KRTCAP3: variants seen among roughly 807,000 people sequenced by gnomAD.
KRTCAP3 encodes keratinocyte associated protein 3, also known as keratinocyte-associated protein 3.
KRTCAP3 carries 18 observed loss-of-function variants against 20.5 expected under a neutral mutation model. That is an observed-to-expected ratio of 0.88 (90% CI 0.61 to 1.31). The LOEUF (loss-of-function observed/expected upper bound fraction) is 1.31. KRTCAP3 is among the 50% of genes most tolerant of loss of function. The pLI, the probability that KRTCAP3 is intolerant of heterozygous loss-of-function variation, is 0.00. For synonymous variants in KRTCAP3, 167 were observed against 133.7 expected, an observed-to-expected ratio of 1.25 and a Z score of -1.72; for missense variants, 347 against 310.4, an observed-to-expected ratio of 1.12 and a Z score of -0.89.
downstream of KRTCAP3, chr2:27,446,431 G>T: frequency 8.0e-7 from 1 of 1,254,496 alleles, no homozygotes. Context: ...CTGTAAGGCA[G>T]CCACAGAACT....
downstream of KRTCAP3, chr2:27,446,437 G>A: frequency 8.2e-7 from 1 of 1,215,718 alleles, no homozygotes; most frequent in Non-Finnish European, 1.2e-6. Flanking sequence ...GGCAGCCACA[G>A]AACTAAAAAA....
rs763431030 is a variant in KRTCAP3, at chr2:27,442,587, CG to C, written c.42del (p.Arg16GlyfsTer3). On this transcript the variant is annotated frameshift_variant, in exon 2 of 7. Transcript: ENST00000288873. LOFTEE classifies it high-confidence loss of function. The stretch of plus-strand genomic sequence containing the variant: ...TCCCCCGTGCTTTGCAGACGCCGCC[CG>C]GGGGCCCAGGCGGCTGATGCGTGTG... ...RCSLCAFDAARGPRRLMRVGL... is the reference protein window; with the variant it reads ...RCSLCAFDAAXGPRRLMRVGL... 7.8e-6 allele frequency: 12 copies of C among 1,532,498 alleles called. No homozygotes were observed. The highest frequency in any genetic ancestry group is 1.4e-5 in the African/African-American group (1 of 72,460). The allele number at this position is 1,532,498 out of a possible 1,614,324, so 94.9% of individuals were successfully genotyped here. A position where few individuals can be genotyped will look rare whatever the true frequency, so the allele number is the denominator to read the frequency against.
Position 27,442,455 on chromosome 2 carries a change from C to G in KRTCAP3, c.28+15C>G, listed in dbSNP as rs1475423019. The G allele has an allele frequency of 1.3e-6, 2 of 1,568,304 alleles. No homozygotes were observed. The highest frequency in any genetic ancestry group is 1.7e-6 in the Non-Finnish European group (2 of 1,156,984). On this transcript the variant is annotated intron_variant, in intron 1 of 6. Transcript: ENST00000288873. ...CTGCGCTTTCGGTAACTTCCGGGCC[C>G]TGGCGTCTCGTCTCCTTACCCTGGG...
At position 27,444,046 on chromosome 2, in the gene KRTCAP3, G is replaced by A. The variant is rs1445856004; in HGVS notation, c.713G>A (p.Ser238Asn). The change falls in exon 6 of 7, where the codon AGT becomes AAT. Residue 238 changes from serine (S) to asparagine (N), a missense_variant. By Grantham distance (46) the Ser-to-Asn change is conservative. Coordinates refer to ENST00000288873, the MANE Select transcript of KRTCAP3 (RefSeq NM_173853.4). ...QNQEIRASQRSWV is the reference protein window; with the variant it reads ...QNQEIRASQRNWV ...CAAGAAATCCGGGCATCACAGAGAAGTTGGGTTTAGGACAGGTAATGGGCC... is the reference window on the plus strand; with the variant it reads ...CAAGAAATCCGGGCATCACAGAGAAATTGGGTTTAGGACAGGTAATGGGCC... 3 of 1,610,734 alleles carry A rather than the reference G, an allele frequency of 1.9e-6. No homozygotes were observed. The highest frequency in any genetic ancestry group is 2.5e-6 in the Non-Finnish European group (3 of 1,176,900).
downstream of KRTCAP3, chr2:27,445,899 C>G: frequency 6.2e-7 from 1 of 1,614,208 alleles, no homozygotes; most frequent in Non-Finnish European, 8.5e-7. The surrounding 1 kb of genome is among the most constrained non-coding windows in gnomAD (Gnocchi z 4.4). Context: ...GCAAAAACCT[C>G]CACCCTCGGG....
downstream of KRTCAP3, chr2:27,445,337 G>A: frequency 1.9e-6 from 3 of 1,613,406 alleles, no homozygotes; most frequent in Non-Finnish European, 2.5e-6. The surrounding 1 kb of genome is among the most constrained non-coding windows in gnomAD (Gnocchi z 4.4). Flanking sequence ...AGTGCTCGCT[G>A]CCACTAGGGA....
At position 27,444,220 on chromosome 2, in the gene KRTCAP3, T is replaced by A; in HGVS notation, c.*40T>A. On this transcript the variant is annotated 3_prime_UTR_variant, in exon 7 of 7. Coordinates refer to ENST00000288873, the MANE Select transcript of KRTCAP3 (RefSeq NM_173853.4). ...TTCCGAGACTCAGTCCTAAAGGGTTTTTTTTCCCACTAAGCAAGGGGCCCT... is the reference window on the plus strand; with the variant it reads ...TTCCGAGACTCAGTCCTAAAGGGTTATTTTTCCCACTAAGCAAGGGGCCCT... The A allele has an allele frequency of 1.5e-6, 1 of 657,188 alleles. No individual in the cohort carries two copies. The highest frequency in any genetic ancestry group is 2.7e-6 in the Non-Finnish European group (1 of 373,056). The allele number at this position is 657,188 out of a possible 1,614,324, so 40.7% of individuals were successfully genotyped here.
downstream of KRTCAP3, chr2:27,445,263 C>G: frequency 6.3e-7 from 1 of 1,596,996 alleles, no homozygotes; most frequent in African/African-American, 1.3e-5. The surrounding 1 kb of genome is among the most constrained non-coding windows in gnomAD (Gnocchi z 4.4). Flanking sequence ...TTTCTACCCA[C>G]CACAGGATCT....
downstream of KRTCAP3, chr2:27,444,951 G>GTTTTTTTTTTTT: frequency 6.6e-7 from 1 of 1,513,338 alleles, no homozygotes; most frequent in South Asian, 1.2e-5. Context: ...ACCCAGACTT[G>GTTTTTTTTTTTT]TTTTTTTTTC....
At chr2:27,444,441 G>A (rs1289088735), downstream of KRTCAP3, 2 of 1,611,548 alleles carry the variant, frequency 1.2e-6, no homozygotes, top group East Asian at 4.5e-5. Context: ...ACTACTGAAA[G>A]GAAAAGCTGG....
downstream of KRTCAP3, chr2:27,446,435 C>A: frequency 8.1e-7 from 1 of 1,239,468 alleles, no homozygotes; most frequent in Non-Finnish European, 1.2e-6. Context: ...AAGGCAGCCA[C>A]AGAACTAAAA....
At chr2:27,445,188 G>A (rs774447797), downstream of KRTCAP3, 24 of 1,593,238 alleles carry the variant, frequency 1.5e-5, no homozygotes, top group Non-Finnish European at 2.1e-5. The surrounding 1 kb of genome is among the most constrained non-coding windows in gnomAD (Gnocchi z 4.4). Context: ...GGGGTAGAAA[G>A]CACAGTCCTG....
chr2:27,446,266 A>C, downstream of KRTCAP3: 1 of 1,614,156 alleles, frequency 6.2e-7, no homozygotes, highest in Non-Finnish European at 8.5e-7. Context: ...TCACCTTGGC[A>C]GCAATGCCTG....
chr2:27,444,982 C>CT, downstream of KRTCAP3: 4 of 1,605,788 alleles, frequency 2.5e-6, no homozygotes, highest in Non-Finnish European at 3.4e-6. Flanking sequence ...GCTGCCCTCT[C>CT]TGCCTTCATT....
chr2:27,442,509 G>C lies in KRTCAP3; in HGVS notation c.28+69G>C. The C allele has an allele frequency of 2.6e-6, 4 of 1,531,328 alleles. No individual in the cohort carries two copies. In the South Asian group the frequency reaches 5.0e-5, roughly 19 times the overall value. 94.9% of individuals were successfully genotyped at this position (1,531,328 alleles called of 1,614,324 possible). On this transcript the variant is annotated intron_variant, in intron 1 of 6. Transcript: ENST00000288873. ...ACCCTTGCCCCGTCCTACTGCCCGCGGTTAACCCGCCGCGAGCCGCCTCTC... is the reference window on the plus strand; with the variant it reads ...ACCCTTGCCCCGTCCTACTGCCCGCCGTTAACCCGCCGCGAGCCGCCTCTC...
chr2:27,445,109 T>A, downstream of KRTCAP3: 1 of 1,613,632 alleles, frequency 6.2e-7, no homozygotes, highest in Non-Finnish European at 8.5e-7. This position sits in a 1 kb window ranked among gnomAD's most constrained non-coding sequence, Gnocchi z 4.4. Flanking sequence ...GGGTATCCTG[T>A]GGAGGAAGAA....
In KRTCAP3 at chr2:27,442,396, C is replaced by A; in HGVS notation, c.-17C>A. On this transcript the variant is annotated 5_prime_UTR_variant, in exon 1 of 7. It adds an upstream start codon to the 5' untranslated region. Coordinates refer to ENST00000288873, the MANE Select transcript of KRTCAP3 (RefSeq NM_173853.4). Reference sequence around the variant, plus strand: ...GGGCCCAGGTACAGCGGCCCTGCGGCTGGCGCGGCGGACGGGATGAGGCGC... The same window carrying A: ...GGGCCCAGGTACAGCGGCCCTGCGGATGGCGCGGCGGACGGGATGAGGCGC... 3 of 1,550,398 alleles carry A rather than the reference C, an allele frequency of 1.9e-6. No individual in the cohort carries two copies. Among genetic ancestry groups the A allele is most frequent in the Non-Finnish European group, 2.6e-6 (3 of 1,148,486 alleles).
downstream of KRTCAP3, chr2:27,445,933 G>A (rs115716101): frequency 1.2e-5 from 19 of 1,614,192 alleles, no homozygotes; most frequent in African/African-American, 2.3e-4. The surrounding 1 kb of genome is among the most constrained non-coding windows in gnomAD (Gnocchi z 4.4). Context: ...ACTCACATCG[G>A]TCAGGTCCAA....
chr2:27,443,696 T>A (rs1402066843), intron 5 of KRTCAP3, among the ~76,000 whole-genome samples, 164 bp downstream of exon 5: 4 of 152,006 alleles, frequency 2.6e-5, no homozygotes, highest in African/African-American at 9.7e-5. Context: ...TTGGACAACA[T>A]GGTGAAACCT....
Sources: gnomAD v4.1 joint callset for allele counts (sites outside exome capture counted in the v4.1 genomes callset) on GRCh38, gnomAD v4.1.1 for gene constraint, Gnocchi (gnomAD v3.1) non-coding constraint, MANE v1.5 for transcripts, NCBI Gene and HGNC (gene_info 2026-07-23, HGNC 2026-07-21) for gene names.